TUSC3: variants seen among roughly 807,000 people sequenced by gnomAD.
The protein encoded by TUSC3 is dolichyl-diphosphooligosaccharide--protein glycosyltransferase subunit TUSC3.
A neutral mutation model predicts 44.8 loss-of-function variants in TUSC3; 45 were observed. That is an observed-to-expected ratio of 1.00 (90% CI 0.79 to 1.29). TUSC3 has a LOEUF of 1.29. Among genes scored for constraint, TUSC3 ranks in the 50% most tolerant of loss-of-function variants. The probability of loss-of-function intolerance (pLI) is 0.00; values close to 1 mark genes in which losing one functional copy is unlikely to be tolerated. For missense variants in TUSC3, 519 were observed against 437.9 expected (o/e 1.19, Z -1.65); for synonymous variants, 212 against 152.9 (o/e 1.39, Z -2.85).
chr8:15,805,655 T>C, the TUSC3 span, among the ~76,000 whole-genome samples: 1 of 152,208 alleles, frequency 6.6e-6, no homozygotes, highest in Non-Finnish European at 1.5e-5. Context: ...GAACCAATTT[T>C]GCATCCCAGG....
At chr8:15,522,825 G>A (rs1369833106) in intron 2 of TUSC3, among the ~76,000 whole-genome samples, 1 of 152,096 alleles carries the variant, frequency 6.6e-6, no homozygotes, top group Admixed American at 6.6e-5. Flanking sequence ...ACAGGCTCAA[G>A]AATTTTGATG....
chr8:15,786,055 T>C, the TUSC3 span, among the ~76,000 whole-genome samples: 3 of 152,256 alleles, frequency 2.0e-5, no homozygotes, highest in Non-Finnish European at 4.4e-5. Context: ...ATTGTTTGTA[T>C]AGTTACTCTG....
At chr8:15,659,809 C>T (rs1248546194) in intron 4 of TUSC3, among the ~76,000 whole-genome samples, 162 bp downstream of exon 4, 1 of 152,014 alleles carries the variant, frequency 6.6e-6, no homozygotes, top group Non-Finnish European at 1.5e-5. Context: ...GGACTATTAG[C>T]TGAATTCAGA....
chr8:15,750,165 G>C (rs772102811), intron 9 of TUSC3, among the ~76,000 whole-genome samples: 4 of 151,612 alleles, frequency 2.6e-5, no homozygotes, highest in Non-Finnish European at 5.9e-5. Flanking sequence ...ATTTTTAGTA[G>C]ACGCAGAGTT....
At chr8:15,683,139 A>G (rs1412146087) in intron 6 of TUSC3, among the ~76,000 whole-genome samples, 1 of 151,990 alleles carries the variant, frequency 6.6e-6, no homozygotes, top group Non-Finnish European at 1.5e-5. Context: ...GGGATGGTCA[A>G]CTTGGGTAGT....
intron 6 of TUSC3, among the ~76,000 whole-genome samples, chr8:15,719,227 A>G (rs1040484065): frequency 1.3e-5 from 2 of 151,854 alleles, no homozygotes; most frequent in Non-Finnish European, 2.9e-5. Flanking sequence ...ACCCTCTTAC[A>G]TTTCCTTGAA....
chr8:15,710,095 C>G (rs1809781913), intron 6 of TUSC3, among the ~76,000 whole-genome samples: 1 of 151,790 alleles, frequency 6.6e-6, no homozygotes, highest in African/African-American at 2.4e-5. Flanking sequence ...GCTCCCCTCC[C>G]TGCCCTTTTC....
At chr8:15,459,912 C>G (rs1800321770) in intron 1 of TUSC3, among the ~76,000 whole-genome samples, 2 of 150,978 alleles carry the variant, frequency 1.3e-5, no homozygotes. Context: ...ACACACATAC[C>G]ACAGTTTCTT....
chr8:15,530,149 C>G (rs1437838359), intron 2 of TUSC3, among the ~76,000 whole-genome samples: 2 of 151,984 alleles, frequency 1.3e-5, no homozygotes, highest in Non-Finnish European at 2.9e-5. Context: ...GCTGAAGTCT[C>G]TGCTTACATC....
At chr8:15,539,702 C>T (rs1281694080), upstream of TUSC3, among the ~76,000 whole-genome samples, 1 of 152,044 alleles carries the variant, frequency 6.6e-6, no homozygotes, top group Non-Finnish European at 1.5e-5. Context: ...TAAGTCTATT[C>T]GTTTTTATAT....
At chr8:15,426,187 C>A (rs1463680819) in intron 1 of TUSC3, among the ~76,000 whole-genome samples, 1 of 152,158 alleles carries the variant, frequency 6.6e-6, no homozygotes, top group Non-Finnish European at 1.5e-5. Flanking sequence ...ATCAAGGTAA[C>A]AGTCATGTCC....
At chr8:15,668,345 G>A (rs561726003) in intron 5 of TUSC3, among the ~76,000 whole-genome samples, 1 of 151,660 alleles carries the variant, frequency 6.6e-6, no homozygotes, top group South Asian at 2.1e-4. Flanking sequence ...ATATTGATCA[G>A]TCTTAGAATA....
intron 6 of TUSC3, among the ~76,000 whole-genome samples, chr8:15,708,112 T>C (rs189242147): frequency 1.3e-5 from 2 of 152,034 alleles, no homozygotes; most frequent in Admixed American, 1.3e-4. Flanking sequence ...CCAAATAAGG[T>C]CACAGTCCAA....
At chr8:15,823,512 G>A in the TUSC3 span, among the ~76,000 whole-genome samples, 1 of 152,090 alleles carries the variant, frequency 6.6e-6, no homozygotes, top group Non-Finnish European at 1.5e-5. Flanking sequence ...ATTTAGGAAT[G>A]TCTTATTTAT....
intron 2 of TUSC3, among the ~76,000 whole-genome samples, chr8:15,531,527 C>T (rs1169422713): frequency 6.6e-6 from 1 of 152,226 alleles, no homozygotes; most frequent in African/African-American, 2.4e-5. Context: ...GCTGGGATTA[C>T]AGGCGTGAGC....
the TUSC3 span, among the ~76,000 whole-genome samples, chr8:15,839,325 C>G: frequency 0.78 from 118,209 of 152,018 alleles, 46,433 homozygotes; most frequent in Non-Finnish European, 0.83. Context: ...TTGACTTCCT[C>G]TTTTCCTAAT....
intron 6 of TUSC3, among the ~76,000 whole-genome samples, chr8:15,707,948 T>A (rs13266483): frequency 0.5 from 76,399 of 151,626 alleles, 20,878 homozygotes; most frequent in Non-Finnish European, 0.62. Context: ...CCTTGGCTTG[T>A]ATTAATAGAT....
intron 1 of TUSC3, among the ~76,000 whole-genome samples, chr8:15,586,851 C>G (rs989418705): frequency 2.6e-5 from 4 of 152,222 alleles, no homozygotes; most frequent in African/African-American, 2.4e-5. Context: ...AGACCACCAC[C>G]TTTGGCGTTA....
chr8:15,724,657 G>T (rs1343441363), intron 6 of TUSC3, among the ~76,000 whole-genome samples: 3 of 152,126 alleles, frequency 2.0e-5, no homozygotes, highest in African/African-American at 7.2e-5. Flanking sequence ...TCACTTAAAA[G>T]ATTTTCTTAG....
Sources: gnomAD v4.1 joint callset for allele counts (sites outside exome capture counted in the v4.1 genomes callset) on GRCh38, gnomAD v4.1.1 for gene constraint, MANE v1.5 for transcripts, NCBI Gene and HGNC (gene_info 2026-07-23, HGNC 2026-07-21) for gene names.